CAST: variants seen among roughly 807,000 people sequenced by gnomAD.
CAST encodes the protein calpastatin.
CAST carries 76 observed loss-of-function variants against 119.6 expected under a neutral mutation model. That is an observed-to-expected ratio of 0.64 (90% CI 0.53 to 0.77). The LOEUF (loss-of-function observed/expected upper bound fraction) is 0.77. Among genes scored for constraint, CAST ranks in the 30% least tolerant of loss-of-function variants. The pLI is 0.00. For missense variants in CAST, 953 were observed against 946.5 expected (o/e 1.01, Z -0.09); for synonymous variants, 319 against 331.6 (o/e 0.96, Z 0.41).
the CAST span, among the ~76,000 whole-genome samples, chr5:96,422,489 C>T: frequency 6.6e-6 from 1 of 152,176 alleles, no homozygotes; most frequent in Non-Finnish European, 1.5e-5. Flanking sequence ...AGACAAGCTT[C>T]CAGGCTCCAC....
chr5:96,581,864 C>G (rs898332809), intron 1 of CAST, among the ~76,000 whole-genome samples: 1 of 151,538 alleles, frequency 6.6e-6, no homozygotes, highest in African/African-American at 2.4e-5. Context: ...CCACTCCAGC[C>G]TGGGCGACAG....
chr5:96,630,645 T>C (rs1747804021), intron 1 of CAST, among the ~76,000 whole-genome samples: 1 of 151,618 alleles, frequency 6.6e-6, no homozygotes, highest in African/African-American at 2.4e-5. Context: ...AATTAGCCAG[T>C]TGTTGTGGTG....
At chr5:96,520,130 A>T in the CAST span, among the ~76,000 whole-genome samples, 3 of 152,118 alleles carry the variant, frequency 2.0e-5, no homozygotes, top group African/African-American at 7.2e-5. Context: ...CTCCCTCAAA[A>T]CCATTCCCTT....
rs57199097 is a variant in CAST at position 96,696,686 on chromosome 5, T to TA, written c.210+792dup. Among the ~76,000 whole-genome samples, 138 of 97,180 alleles carry TA rather than the reference T, an allele frequency of 1.4e-3. 4 individuals carry two copies. Among genetic ancestry groups the TA allele is most frequent in the Middle Eastern group, 6.7e-3 (1 of 150 alleles). The allele number at this position is 97,180 out of a possible 152,430, so 63.8% of individuals were successfully genotyped here. On this transcript the variant is annotated intron_variant, in intron 3 of 31. Transcript: ENST00000675179. ...CAACATAGTAAGACCCTTTCTCTCC[T>TA]AAAAAAAAAAAAATTAAAAATTAGC...
At chr5:95,961,751 G>GCT in the CAST span, 1 of 1,571,108 alleles carries the variant, frequency 6.4e-7, no homozygotes, top group Non-Finnish European at 8.6e-7. Context: ...CGCCGCCGCC[G>GCT]CCGCTCCGGC....
At chr5:96,068,993 A>G in the CAST span, among the ~76,000 whole-genome samples, 2 of 151,196 alleles carry the variant, frequency 1.3e-5, no homozygotes, top group African/African-American at 4.9e-5. Context: ...ATACGGATGT[A>G]TATATGTATA....
At chr5:96,567,690 A>G (rs1746495180) in intron 1 of CAST, among the ~76,000 whole-genome samples, 1 of 151,938 alleles carries the variant, frequency 6.6e-6, no homozygotes, top group Non-Finnish European at 1.5e-5. Context: ...TCTTCTTTTC[A>G]TGTATAGATG....
the CAST span, among the ~76,000 whole-genome samples, chr5:96,086,666 C>T: frequency 2.2e-5 from 2 of 90,674 alleles, no homozygotes; most frequent in Non-Finnish European, 5.1e-5. Flanking sequence ...TTCTTTTGGT[C>T]CAGAGAGGCT....
chr5:96,592,094 T>C (rs914064587), intron 1 of CAST, among the ~76,000 whole-genome samples: 4 of 152,152 alleles, frequency 2.6e-5, no homozygotes, highest in Non-Finnish European at 2.9e-5. Flanking sequence ...GGCTTAGAAG[T>C]TGATATAAGA....
chr5:96,659,000 T>C (rs1206253936), upstream of CAST, among the ~76,000 whole-genome samples: 3 of 152,242 alleles, frequency 2.0e-5, no homozygotes, highest in African/African-American at 7.2e-5. Context: ...TAGGATTCTC[T>C]TTCAAGTATA....
the CAST span, among the ~76,000 whole-genome samples, chr5:96,128,757 TTGCA>T: frequency 1.3e-5 from 2 of 152,222 alleles, no homozygotes; most frequent in East Asian, 3.9e-4. Context: ...CTTAATTATC[TTGCA>T]GAACCCCAGT....
the CAST span, among the ~76,000 whole-genome samples, chr5:96,095,911 A>C: frequency 6.6e-6 from 1 of 152,356 alleles, no homozygotes; most frequent in Admixed American, 6.5e-5. Context: ...AGAAAAAAGC[A>C]GTTGTTGACA....
chr5:96,257,287 C>T, the CAST span, among the ~76,000 whole-genome samples: 15 of 152,182 alleles, frequency 9.9e-5, no homozygotes, highest in African/African-American at 3.6e-4. Context: ...ACTTGCTCAA[C>T]ATTGCCAGTG....
At chr5:96,064,029 G>A in the CAST span, among the ~76,000 whole-genome samples, 10 of 152,112 alleles carry the variant, frequency 6.6e-5, no homozygotes, top group African/African-American at 9.7e-5. Flanking sequence ...AGCTAACCTA[G>A]TAGTCATCAT....
intron 4 of CAST, among the ~76,000 whole-genome samples, chr5:96,726,179 A>T (rs1364243875): frequency 6.6e-6 from 1 of 152,230 alleles, no homozygotes; most frequent in Middle Eastern, 3.2e-3. Flanking sequence ...TGAAATGTTT[A>T]ATCAAGTTTT....
chr5:96,727,434 ATGTC>A, intron 5 of CAST, 51 bp from the exon 6 acceptor site: 1 of 921,258 alleles, frequency 1.1e-6, no homozygotes, highest in Non-Finnish European at 1.7e-6. Context: ...TTTGTAAACT[ATGTC>A]TATCTTTCTT....
At chr5:96,550,632 T>A (rs1418199257) in intron 1 of CAST, among the ~76,000 whole-genome samples, 1 of 152,154 alleles carries the variant, frequency 6.6e-6, no homozygotes, top group Non-Finnish European at 1.5e-5. Context: ...TAAAGGAGCA[T>A]TGTTCTAAAC....
chr5:96,724,571 C>G (rs1276313920), intron 4 of CAST, among the ~76,000 whole-genome samples: 2 of 152,102 alleles, frequency 1.3e-5, no homozygotes, highest in African/African-American at 4.8e-5. Context: ...TGGCCCACAC[C>G]TATAATCCCA....
At chr5:96,248,662 C>CA in the CAST span, among the ~76,000 whole-genome samples, 1 of 152,266 alleles carries the variant, frequency 6.6e-6, no homozygotes, top group African/African-American at 2.4e-5. Context: ...GCAGTCATTT[C>CA]AGCTTTTAAA....
Sources: gnomAD v4.1 joint callset for allele counts (sites outside exome capture counted in the v4.1 genomes callset) on GRCh38, gnomAD v4.1.1 for gene constraint, MANE v1.5 for transcripts, NCBI Gene and HGNC (gene_info 2026-07-23, HGNC 2026-07-21) for gene names.